Variants in NEK11 observed in about 807,000 individuals in gnomAD.
NEK11 encodes serine/threonine-protein kinase Nek11.
NEK11 carries 72 observed loss-of-function variants against 80.7 expected under a neutral mutation model. The observed-to-expected ratio is 0.89, with a 90% CI of 0.74 to 1.08. The LOEUF (loss-of-function observed/expected upper bound fraction) is 1.08, where lower values mean the gene tolerates loss of function less well. NEK11 is among the 50% of genes least tolerant of loss of function. The pLI, the probability that NEK11 is intolerant of heterozygous loss-of-function variation, is 0.00. For missense variants in NEK11, 764 were observed against 763.6 expected, an observed-to-expected ratio of 1.00 and a Z score of -0.01; for synonymous variants, 251 against 260.7, an observed-to-expected ratio of 0.96 and a Z score of 0.36.
rs5852620 is a variant in NEK11 at position 131,257,152 on chromosome 3, A to AT, written c.1621+13671dup. Reference sequence around the variant, plus strand: ...AGGCATGTGCCACTATGCCTGGCTAATTTTTTTTTTTTTTTGTATTTTTTG... The same window carrying AT: ...AGGCATGTGCCACTATGCCTGGCTAATTTTTTTTTTTTTTTTGTATTTTTTG... On this transcript the variant is annotated intron_variant, in intron 16 of 17. Transcript: ENST00000383366. Among the ~76,000 whole-genome samples, 395 of 143,688 alleles carry AT rather than the reference A, an allele frequency of 2.7e-3. 2 individuals are homozygous for AT. The highest frequency in any genetic ancestry group is 4.3e-3 in the Non-Finnish European group (281 of 65,598). 94.3% of individuals were successfully genotyped at this position (143,688 alleles called of 152,430 possible).
At chr3:131,088,083 G>A (rs1265432197) in intron 4 of NEK11, 4 of 152,216 alleles carry the variant, frequency 2.6e-5, no homozygotes, top group Admixed American at 2.0e-4. Context: ...ACTAAGCATT[G>A]TTTTCAGAGT....
chr3:131,110,590 G>T (rs1343376112), intron 5 of NEK11, among the ~76,000 whole-genome samples: 1 of 152,058 alleles, frequency 6.6e-6, no homozygotes, highest in African/African-American at 2.4e-5. Flanking sequence ...CCCATAAAAT[G>T]ATATGAACAC....
At chr3:131,259,135 C>T (rs1194201593) in intron 16 of NEK11, among the ~76,000 whole-genome samples, 1 of 152,128 alleles carries the variant, frequency 6.6e-6, no homozygotes, top group Non-Finnish European at 1.5e-5. Flanking sequence ...TCCTCTAAGC[C>T]AGCTCACATA....
At chr3:131,133,562 G>A (rs940770296) in intron 6 of NEK11, among the ~76,000 whole-genome samples, 4 of 151,998 alleles carry the variant, frequency 2.6e-5, no homozygotes, top group African/African-American at 9.7e-5. Flanking sequence ...ATATCAAATT[G>A]TCTAGTTTCC....
rs532726614 is a variant in NEK11 at position 131,132,860 on chromosome 3, G to C, written c.520+51G>C. 31 of 782,372 alleles carry C rather than the reference G, an allele frequency of 4.0e-5. No individual in the cohort carries two copies. In the South Asian group the frequency reaches 5.0e-4, roughly 13 times the overall value. 48.5% of individuals were successfully genotyped at this position (782,372 alleles called of 1,614,324 possible). A position where few individuals can be genotyped will look rare whatever the true frequency, so the allele number is the denominator to read the frequency against. On this transcript the variant is annotated intron_variant, in intron 6 of 17. Transcript: ENST00000383366. ...CAAAAACGCAGAACAGTATATTCTA[G>C]ATATTATCATATCAAATTGAAGTAA...
intron 14 of NEK11, among the ~76,000 whole-genome samples, chr3:131,176,198 T>C (rs1450425644): frequency 1.3e-5 from 2 of 152,138 alleles, no homozygotes; most frequent in African/African-American, 2.4e-5. Flanking sequence ...TGGAGCATAA[T>C]ACAACAAAAG....
At chr3:131,120,067 C>T (rs1395942749) in intron 5 of NEK11, among the ~76,000 whole-genome samples, 4 of 152,172 alleles carry the variant, frequency 2.6e-5, no homozygotes, top group Non-Finnish European at 5.9e-5. Flanking sequence ...CAGTTTCTTC[C>T]TAGCATCGAT....
chr3:131,120,398 G>T (rs2082155983), intron 5 of NEK11, among the ~76,000 whole-genome samples: 1 of 152,152 alleles, frequency 6.6e-6, no homozygotes, highest in South Asian at 2.1e-4. Flanking sequence ...CTTTCACTCT[G>T]GCTGCGCTTA....
intron 17 of NEK11, among the ~76,000 whole-genome samples, chr3:131,344,437 C>A (rs1209447963): frequency 6.6e-6 from 1 of 152,198 alleles, no homozygotes. Context: ...AACTTTTCCT[C>A]ATCTTCCTCT....
intron 16 of NEK11, among the ~76,000 whole-genome samples, chr3:131,259,729 T>G (rs1354649015): frequency 6.6e-6 from 1 of 152,122 alleles, no homozygotes. Flanking sequence ...TGATCAGTCA[T>G]TAAAGGTTGC....
At chr3:131,272,330 A>G (rs1166715066) in intron 16 of NEK11, among the ~76,000 whole-genome samples, 2 of 152,102 alleles carry the variant, frequency 1.3e-5, no homozygotes, top group Non-Finnish European at 2.9e-5. Flanking sequence ...GAAGCACCTT[A>G]TAAGAGATCT....
At chr3:131,334,461 C>T (rs1457100813) in intron 17 of NEK11, among the ~76,000 whole-genome samples, 1 of 151,120 alleles carries the variant, frequency 6.6e-6, no homozygotes, top group Non-Finnish European at 1.5e-5. Context: ...GGGACACATT[C>T]AAAGCAGTGT....
intron 7 of NEK11, among the ~76,000 whole-genome samples, chr3:131,138,048 AG>A (rs1210269691): frequency 6.6e-6 from 1 of 152,188 alleles, no homozygotes; most frequent in Non-Finnish European, 1.5e-5. Flanking sequence ...CACCTTCATA[AG>A]AACCAAAAAC....
chr3:131,186,679 T>C (rs985270082), intron 14 of NEK11, among the ~76,000 whole-genome samples: 3 of 152,170 alleles, frequency 2.0e-5, no homozygotes, highest in Admixed American at 2.0e-4. Flanking sequence ...AAATATATTT[T>C]GTGCTAAGGA....
intron 14 of NEK11, among the ~76,000 whole-genome samples, chr3:131,192,872 G>C (rs1157041512): frequency 1.3e-5 from 2 of 152,146 alleles, no homozygotes; most frequent in Non-Finnish European, 2.9e-5. Context: ...GGTGATGGTT[G>C]CACAACAGTG....
chr3:131,147,523 A>G (rs1202940767), intron 7 of NEK11, among the ~76,000 whole-genome samples: 3 of 152,078 alleles, frequency 2.0e-5, no homozygotes, highest in Admixed American at 2.0e-4. Flanking sequence ...TGGTCATACA[A>G]AACTTCCAAA....
intron 3 of NEK11, among the ~76,000 whole-genome samples, chr3:131,069,648 T>TA (rs1366343986): frequency 4.6e-5 from 7 of 151,428 alleles, no homozygotes; most frequent in Admixed American, 2.6e-4. Flanking sequence ...TATGCAGCCA[T>TA]AAAAAATGAT....
Position 131,196,343 on chromosome 3 carries a change from AAC to A in NEK11, c.1399+25464_1399+25465del, listed in dbSNP as rs530391119. On this transcript the variant is annotated intron_variant, in intron 14 of 17. Coordinates refer to ENST00000383366, the MANE Select transcript of NEK11 (RefSeq NM_024800.5). ...GAAAAAAAATAGATTCTTACTGTATAACACACACAAAAATAAATTTCAGTGAA... is the reference window on the plus strand; with the variant it reads ...GAAAAAAAATAGATTCTTACTGTATAACACACAAAAATAAATTTCAGTGAA... Among the ~76,000 whole-genome samples the A allele has an allele frequency of 4.9e-3, 747 of 152,274 alleles. 11 individuals are homozygous for A. Among genetic ancestry groups the A allele is most frequent in the African/African-American group, 0.017 (711 of 41,568 alleles).
chr3:131,255,112 GA>G (rs1481704445), intron 16 of NEK11, among the ~76,000 whole-genome samples: 1 of 150,444 alleles, frequency 6.6e-6, no homozygotes, highest in African/African-American at 2.5e-5. Context: ...AAGAAAGAAA[GA>G]AAGAAAGAAA....
Sources: allele counts gnomAD v4.1 joint callset (sites outside exome capture counted in the v4.1 genomes callset), GRCh38; gene constraint gnomAD v4.1.1; transcripts MANE v1.5; gene names NCBI Gene and HGNC (gene_info 2026-07-23, HGNC 2026-07-21).